RTL9: variants seen among roughly 807,000 people sequenced by gnomAD.
RTL9 encodes retrotransposon Gag like 9.
RTL9 carries 19 observed loss-of-function variants against 44.7 expected under a neutral mutation model. The observed-to-expected ratio is 0.42, with a 90% CI of 0.30 to 0.62. The LOEUF (loss-of-function observed/expected upper bound fraction) is 0.62, where lower values mean the gene tolerates loss of function less well. Ranked by LOEUF, RTL9 falls within the 20% of genes least tolerant of loss-of-function variation. The pLI is 0.16. For synonymous variants in RTL9, 407 were observed against 398.9 expected, an observed-to-expected ratio of 1.02 and a Z score of -0.24; for missense variants, 1,105 against 1,080.6, an observed-to-expected ratio of 1.02 and a Z score of -0.32.
chrX:110,414,281 A>T (rs1480314698), upstream of RTL9, among the ~76,000 whole-genome samples: 1 of 112,430 alleles, frequency 8.9e-6, no homozygotes, highest in Non-Finnish European at 1.9e-5. Flanking sequence ...CCTTCTAAGT[A>T]ACTGTCCTGA....
Position 110,371,738 on chromosome X carries a change from CCA to C in RTL9, c.-168+12825_-168+12826del, listed in dbSNP as rs2068340326. Among the ~76,000 whole-genome samples, 4 of 111,053 alleles carry C rather than the reference CCA, an allele frequency of 3.6e-5. No individual in the cohort carries two copies. In the Admixed American group the frequency reaches 3.8e-4, roughly 11 times the overall value. ...TCCTGTTAGAAGGATCTGCTGTGAG[CCA>C]CAGACTTTTTTTTGGCAGTCATCTT... On this transcript the variant is annotated intron_variant, in intron 1 of 2. Transcript: ENST00000520821.
At chrX:110,380,352 A>G (rs1344373806) in intron 1 of RTL9, among the ~76,000 whole-genome samples, 1 of 100,122 alleles carries the variant, frequency 1.0e-5, no homozygotes, top group East Asian at 2.8e-4. Flanking sequence ...CAATAGCCAT[A>G]CAAAAAAAAT....
chrX:110,375,079 G>A (rs2068367088), intron 1 of RTL9, among the ~76,000 whole-genome samples: 1 of 111,603 alleles, frequency 9.0e-6, no homozygotes, highest in African/African-American at 3.3e-5. Context: ...ATAGCAAGTA[G>A]GCAAGCTTAG....
chrX:110,368,393 C>T (rs998422085), intron 1 of RTL9, among the ~76,000 whole-genome samples: 7 of 111,381 alleles, frequency 6.3e-5, no homozygotes, highest in Admixed American at 3.8e-4. Context: ...TGTCACTCTC[C>T]TCTTTGATTA....
chrX:110,369,304 C>T (rs1490529028), intron 1 of RTL9, among the ~76,000 whole-genome samples: 1 of 110,467 alleles, frequency 9.1e-6, no homozygotes, highest in African/African-American at 3.3e-5. Flanking sequence ...TGCACTACAG[C>T]CTGGGCGACA....
chrX:110,410,253 G>A (rs983148967), intron 1 of RTL9, among the ~76,000 whole-genome samples: 2 of 111,524 alleles, frequency 1.8e-5, no homozygotes, highest in African/African-American at 6.5e-5. Context: ...TGGGAAGAAG[G>A]ACCTTAAATT....
intron 1 of RTL9, among the ~76,000 whole-genome samples, chrX:110,405,287 A>G (rs2148301264): frequency 8.9e-6 from 1 of 111,985 alleles, no homozygotes; most frequent in South Asian, 3.8e-4. Flanking sequence ...GCTTGTAAAG[A>G]GGGGAACATT....
At chrX:110,441,169 A>G (rs1008029623) in intron 1 of RTL9, among the ~76,000 whole-genome samples, 1 of 112,265 alleles carries the variant, frequency 8.9e-6, no homozygotes, top group African/African-American at 3.2e-5. Flanking sequence ...TCTGGACCTC[A>G]GTTTCCTCTT....
At position 110,378,962 on chromosome X, in the gene RTL9, C is replaced by T. The variant is rs1287221175; in HGVS notation, c.-168+20046C>T. ...GCTGCCCACTGCTGCGTCTGCCAGT[C>T]TCGTGAAACATTAACCTCTCCTAAC... On this transcript the variant is annotated intron_variant, in intron 1 of 2. Transcript: ENST00000520821. 9.9e-5 allele frequency among the ~76,000 whole-genome samples: 11 copies of T among 111,568 alleles called. No individual in the cohort carries two copies. In the Admixed American group the frequency reaches 1.0e-3, roughly 11 times the overall value.
chrX:110,384,412 A>G (rs1011855381), intron 1 of RTL9, among the ~76,000 whole-genome samples: 19 of 111,664 alleles, frequency 1.7e-4, no homozygotes, highest in African/African-American at 5.5e-4. Flanking sequence ...AAGAGTACCT[A>G]CCTCACAGGG....
intron 1 of RTL9, among the ~76,000 whole-genome samples, chrX:110,369,014 A>G (rs1327414306): frequency 1.8e-5 from 2 of 111,765 alleles, no homozygotes; most frequent in South Asian, 3.8e-4. Context: ...AAAGTGCTCC[A>G]TTATTGAAGC....
chrX:110,363,677 T>C (rs1373274805), intron 1 of RTL9, among the ~76,000 whole-genome samples: 1 of 111,726 alleles, frequency 9.0e-6, no homozygotes, highest in African/African-American at 3.3e-5. Flanking sequence ...GACACATTTA[T>C]TGACTTTCTG....
intron 1 of RTL9, among the ~76,000 whole-genome samples, chrX:110,430,736 A>G (rs1376836492): frequency 1.8e-5 from 2 of 112,660 alleles, no homozygotes; most frequent in Non-Finnish European, 3.8e-5. Flanking sequence ...GTTTGAAAGC[A>G]GGAACCATGA....
At chrX:110,403,743 T>C (rs2068580170) in intron 1 of RTL9, among the ~76,000 whole-genome samples, 2 of 112,207 alleles carry the variant, frequency 1.8e-5, no homozygotes, top group Admixed American at 1.9e-4. Flanking sequence ...CATGAGGTTA[T>C]TTATAGTCTT....
At chrX:110,382,027 A>G (rs2068423714) in intron 1 of RTL9, among the ~76,000 whole-genome samples, 1 of 111,574 alleles carries the variant, frequency 9.0e-6, no homozygotes, top group African/African-American at 3.3e-5. Flanking sequence ...AAAAATTTAA[A>G]CAGCTGCATT....
intron 1 of RTL9, among the ~76,000 whole-genome samples, chrX:110,370,670 T>C (rs1382207722): frequency 8.9e-6 from 1 of 112,573 alleles, no homozygotes; most frequent in Non-Finnish European, 1.9e-5. Context: ...TGTGGGTTTC[T>C]TCCTCAAATG....
intron 1 of RTL9, among the ~76,000 whole-genome samples, chrX:110,419,629 A>G (rs751666299): frequency 2.7e-5 from 3 of 112,442 alleles, no homozygotes; most frequent in Non-Finnish European, 5.6e-5. Context: ...GTAGGCTGAC[A>G]TAAGCAAAAC....
intron 1 of RTL9, among the ~76,000 whole-genome samples, chrX:110,422,731 C>G (rs2068726556): frequency 8.9e-6 from 1 of 111,967 alleles, no homozygotes; most frequent in South Asian, 3.8e-4. Flanking sequence ...CTTATATGCT[C>G]TTTCCAAGAG....
intron 1 of RTL9, among the ~76,000 whole-genome samples, chrX:110,420,850 G>A (rs2068712224): frequency 9.0e-6 from 1 of 111,254 alleles, no homozygotes; most frequent in Non-Finnish European, 1.9e-5. Context: ...TGGCTCGGGA[G>A]GCAGGTTTCC....
Sources: gnomAD v4.1 joint callset for allele counts (sites outside exome capture counted in the v4.1 genomes callset) on GRCh38, gnomAD v4.1.1 for gene constraint, MANE v1.5 for transcripts, NCBI Gene and HGNC (gene_info 2026-07-23, HGNC 2026-07-21) for gene names.